SDHAF3: variants seen among roughly 807,000 people sequenced by gnomAD.
SDHAF3 encodes succinate dehydrogenase complex assembly factor 3.
Under a neutral mutation model 11.5 loss-of-function variants are expected in SDHAF3, and 18 were observed. That is an observed-to-expected ratio of 1.56 (90% confidence interval 1.08 to 2.32). SDHAF3 has a LOEUF of 2.32. SDHAF3 is among the 30% of genes most tolerant of loss of function. The pLI is 0.00. For synonymous variants in SDHAF3, 72 were observed against 59.3 expected (o/e 1.21, Z -0.99); for missense variants, 200 against 154.4 (o/e 1.30, Z -1.57).
At chr7:97,132,321 T>A (rs1386026213) in intron 1 of SDHAF3, among the ~76,000 whole-genome samples, 1 of 152,122 alleles carries the variant, frequency 6.6e-6, no homozygotes, top group Non-Finnish European at 1.5e-5. Context: ...TCTTGTTGAG[T>A]TTTGTAAATG....
At chr7:97,138,370 C>T (rs191093333) in intron 1 of SDHAF3, among the ~76,000 whole-genome samples, 27 of 151,942 alleles carry the variant, frequency 1.8e-4, no homozygotes, top group African/African-American at 5.8e-4. Flanking sequence ...ACCACGTTGG[C>T]CAGGCTGGTT....
At chr7:97,135,194 T>C (rs1253800704) in intron 1 of SDHAF3, 1 of 152,170 alleles carries the variant, frequency 6.6e-6, no homozygotes, top group East Asian at 1.9e-4. Flanking sequence ...TGCTTTTTGT[T>C]ATCAGTAAGG....
chr7:97,119,354 G>GA (rs1486388903), intron 1 of SDHAF3, among the ~76,000 whole-genome samples: 3 of 152,098 alleles, frequency 2.0e-5, no homozygotes, highest in African/African-American at 4.8e-5. Flanking sequence ...TAGCAACTCA[G>GA]AAAAAATTGA....
chr7:97,117,741 T>G lies in SDHAF3; in HGVS notation c.18T>G (p.Val6=), dbSNP rs763063536. The change falls in exon 1 of 2, where the codon GTT becomes GTG. Residue 6 remains valine, a synonymous_variant. Coordinates refer to ENST00000432641, the MANE Select transcript of SDHAF3 (RefSeq NM_020186.3). MPGRH[V]SRVRALYKRV... is the part of the protein sequence containing the mutation. Reference sequence around the variant, plus strand: ...GGGGCGCTATGCCGGGGCGGCACGTTTCTCGAGTCCGGGCATTGTACAAGC... The same window carrying G: ...GGGGCGCTATGCCGGGGCGGCACGTGTCTCGAGTCCGGGCATTGTACAAGC... 1 of 1,613,430 alleles carries G rather than the reference T, an allele frequency of 6.2e-7. No individual in the cohort carries two copies.
intron 1 of SDHAF3, among the ~76,000 whole-genome samples, chr7:97,146,492 C>T (rs1167894911): frequency 1.3e-5 from 2 of 152,090 alleles, no homozygotes. Context: ...ACAAAAAGAA[C>T]ATAAAATAAT....
At chr7:97,168,774 T>C (rs1387670733) in intron 1 of SDHAF3, among the ~76,000 whole-genome samples, 1 of 152,238 alleles carries the variant, frequency 6.6e-6, no homozygotes. Flanking sequence ...TTTTATTATG[T>C]TACTTAACTA....
intron 1 of SDHAF3, among the ~76,000 whole-genome samples, chr7:97,170,208 AACTGTCACC>A (rs1160245833): frequency 6.6e-6 from 1 of 152,122 alleles, no homozygotes; most frequent in African/African-American, 2.4e-5. Context: ...ACACCCATGA[AACTGTCACC>A]ACATTCAAGA....
At chr7:97,167,937 G>C (rs1562830665) in intron 1 of SDHAF3, among the ~76,000 whole-genome samples, 1 of 152,182 alleles carries the variant, frequency 6.6e-6, no homozygotes, top group East Asian at 1.9e-4. Context: ...GTGCAGATAA[G>C]GGAATACCTG....
intron 1 of SDHAF3, among the ~76,000 whole-genome samples, chr7:97,142,488 C>G (rs1163582133): frequency 1.3e-5 from 2 of 152,122 alleles, no homozygotes; most frequent in South Asian, 4.1e-4. Flanking sequence ...GTAGATAATA[C>G]TGTCAACCCA....
chr7:97,172,896 G>A lies in SDHAF3; in HGVS notation c.175-8116G>A, dbSNP rs538995526. 2.0e-5 allele frequency among the ~76,000 whole-genome samples: 3 copies of A among 152,352 alleles called. No individual in the cohort carries two copies. The South Asian group carries it at 6.2e-4, about 32-fold the overall frequency. The stretch of plus-strand genomic sequence containing the variant: ...TAAATCAAGGCTTTATCAAAGAACT[G>A]TAAGCGGTCCCCTTTTGGGGATTGG... On this transcript the variant is annotated intron_variant, in intron 1 of 1. Coordinates refer to ENST00000432641, the MANE Select transcript of SDHAF3 (RefSeq NM_020186.3).
At position 97,139,940 on chromosome 7, in the gene SDHAF3, T is replaced by C. The variant is rs145247748; in HGVS notation, c.174+22043T>C. Reference sequence around the variant, plus strand: ...TGAATAATCTTGCCTTTAGTCTCTTTTAACTGTCACCTTATAAAATACAAC... The same window carrying C: ...TGAATAATCTTGCCTTTAGTCTCTTCTAACTGTCACCTTATAAAATACAAC... On this transcript the variant is annotated intron_variant, in intron 1 of 1. Coordinates refer to ENST00000432641, the MANE Select transcript of SDHAF3 (RefSeq NM_020186.3). Among the ~76,000 whole-genome samples the C allele has an allele frequency of 1.2e-3, 190 of 152,334 alleles. 4 individuals carry two copies. The East Asian group carries it at 0.033, about 26-fold the overall frequency.
intron 1 of SDHAF3, among the ~76,000 whole-genome samples, chr7:97,119,134 G>A: frequency 1.3e-5 from 2 of 151,990 alleles, no homozygotes; most frequent in East Asian, 3.9e-4. Context: ...CAAAATTTAC[G>A]TATGTAAATG....
intron 1 of SDHAF3, among the ~76,000 whole-genome samples, chr7:97,126,564 G>C (rs187791352): frequency 2.0e-5 from 3 of 152,244 alleles, no homozygotes; most frequent in South Asian, 2.1e-4. Flanking sequence ...GCTTTGCTGC[G>C]TTACGTTGAG....
intron 1 of SDHAF3, among the ~76,000 whole-genome samples, chr7:97,163,329 A>G (rs761458975): frequency 6.6e-6 from 1 of 152,082 alleles, no homozygotes; most frequent in Non-Finnish European, 1.5e-5. Flanking sequence ...TTTAGTAGAG[A>G]CAGGGTTTCA....
chr7:97,173,578 A>C (rs1266757116), intron 1 of SDHAF3, among the ~76,000 whole-genome samples: 1 of 147,074 alleles, frequency 6.8e-6, no homozygotes, highest in African/African-American at 2.5e-5. Context: ...TGAGAGTCTC[A>C]CTCTCTCTCT....
intron 1 of SDHAF3, among the ~76,000 whole-genome samples, chr7:97,126,966 A>G (rs1304572577): frequency 6.6e-6 from 1 of 151,958 alleles, no homozygotes; most frequent in Non-Finnish European, 1.5e-5. Flanking sequence ...TGGTCTTCGG[A>G]TTACAAAAAT....
intron 1 of SDHAF3, among the ~76,000 whole-genome samples, chr7:97,128,865 G>GT (rs1238119218): frequency 6.6e-6 from 1 of 152,032 alleles, no homozygotes; most frequent in Non-Finnish European, 1.5e-5. Flanking sequence ...CTGTTTTTCA[G>GT]TTGGTGCACT....
At chr7:97,173,578 A>T (rs1266757116) in intron 1 of SDHAF3, among the ~76,000 whole-genome samples, 1 of 147,074 alleles carries the variant, frequency 6.8e-6, no homozygotes, top group Non-Finnish European at 1.5e-5. Flanking sequence ...TGAGAGTCTC[A>T]CTCTCTCTCT....
intron 1 of SDHAF3, among the ~76,000 whole-genome samples, chr7:97,180,115 A>G (rs1789747790): frequency 1.3e-5 from 2 of 152,048 alleles, no homozygotes; most frequent in African/African-American, 4.8e-5. Flanking sequence ...AATGTACTTA[A>G]TAAGAGCAAA....
Sources: allele counts gnomAD v4.1 joint callset (sites outside exome capture counted in the v4.1 genomes callset), GRCh38; gene constraint gnomAD v4.1.1; transcripts MANE v1.5; gene names NCBI Gene and HGNC (gene_info 2026-07-23, HGNC 2026-07-21).